SHISA9: variants seen among roughly 807,000 people sequenced by gnomAD.
SHISA9 encodes shisa family member 9.
SHISA9 carries 13 observed loss-of-function variants against 38.0 expected under a neutral mutation model. The observed-to-expected ratio is 0.34, with a 90% CI of 0.22 to 0.54. SHISA9 has a LOEUF of 0.54. Among genes scored for constraint, SHISA9 ranks in the 20% least tolerant of loss-of-function variants. The pLI is 0.91. For missense variants in SHISA9, 538 were observed against 575.8 expected (o/e 0.93, Z 0.67); for synonymous variants, 275 against 242.0 (o/e 1.14, Z -1.27).
the SHISA9 span, among the ~76,000 whole-genome samples, chr16:13,259,042 C>A: frequency 6.6e-6 from 1 of 152,190 alleles, no homozygotes; most frequent in Non-Finnish European, 1.5e-5. Flanking sequence ...TGAGACAAGG[C>A]AAGTCCCTTC....
the SHISA9 span, among the ~76,000 whole-genome samples, chr16:13,416,793 G>A: frequency 1.4e-5 from 2 of 147,472 alleles, no homozygotes; most frequent in East Asian, 2.0e-4. Context: ...GGAAGGAAGG[G>A]AAGGAAGGAA....
At chr16:13,298,851 C>T in the SHISA9 span, among the ~76,000 whole-genome samples, 46 of 152,310 alleles carry the variant, frequency 3.0e-4, no homozygotes, top group African/African-American at 1.1e-3. Context: ...TTATGGCTTT[C>T]AGAGCCACCA....
At chr16:13,082,076 TACA>T (rs948245221) in intron 2 of SHISA9, among the ~76,000 whole-genome samples, 5 of 152,224 alleles carry the variant, frequency 3.3e-5, no homozygotes, top group South Asian at 2.1e-4. Flanking sequence ...CAACAACGAC[TACA>T]ACAACAACAG....
chr16:12,987,522 T>C lies in SHISA9; in HGVS notation c.691+70707T>C, dbSNP rs1415736622. 2.0e-5 allele frequency among the ~76,000 whole-genome samples: 3 copies of C among 152,090 alleles called. No homozygotes were observed. In the East Asian group the frequency reaches 5.8e-4, roughly 29 times the overall value. The stretch of plus-strand genomic sequence containing the variant: ...GAAAACCGAATACCACATGTTCTCA[T>C]TCATGAGTGGAAGCTGAACAATGAG... On this transcript the variant is annotated intron_variant, in intron 2 of 4. Transcript: ENST00000558583.
chr16:13,049,156 A>ATGTGTGTG (rs10526925), intron 2 of SHISA9, among the ~76,000 whole-genome samples: 161 of 63,892 alleles, frequency 2.5e-3, no homozygotes, highest in Admixed American at 0.011. Flanking sequence ...GGTTAGGAGT[A>ATGTGTGTG]TGTGTGTGTG....
At position 13,235,312 on chromosome 16, in the gene SHISA9, A is replaced by C; in HGVS notation, c.1178A>C (p.Glu393Ala). Residue 393 changes from glutamate to alanine, a missense_variant, in exon 5 of 5, where the codon GAG becomes GCG. Physicochemically the swap from Glu to Ala is moderately radical, Grantham distance 107. Transcript: ENST00000558583. Reference protein sequence around the residue: ...YSNKGKLGTAETGSSDPLGTR... With the variant: ...YSNKGKLGTAATGSSDPLGTR... ...AACAAGGGCAAGCTTGGCACGGCCG[A>C]GACAGGCTCCAGCGACCCCTTGGGA... 1 of 1,550,282 alleles carries C rather than the reference A, an allele frequency of 6.5e-7. No individual in the cohort carries two copies. The highest frequency in any genetic ancestry group is 8.7e-7 in the Non-Finnish European group (1 of 1,147,010).
chr16:13,267,154 G>A, the SHISA9 span, among the ~76,000 whole-genome samples: 1 of 152,220 alleles, frequency 6.6e-6, no homozygotes, highest in Admixed American at 6.5e-5. Context: ...CATATTCTAA[G>A]ATGACAAACC....
At chr16:12,911,994 T>C (rs561969149) in intron 1 of SHISA9, among the ~76,000 whole-genome samples, 1 of 152,360 alleles carries the variant, frequency 6.6e-6, no homozygotes, top group African/African-American at 2.4e-5. Context: ...GGGGCACATA[T>C]AATTGCCATA....
chr16:13,257,674 G>T, the SHISA9 span, among the ~76,000 whole-genome samples: 5 of 152,132 alleles, frequency 3.3e-5, no homozygotes, highest in Non-Finnish European at 7.4e-5. Flanking sequence ...GTCTTTGCAG[G>T]TGTTGCCATG....
intron 2 of SHISA9, among the ~76,000 whole-genome samples, chr16:12,974,480 T>G (rs79298330): frequency 0.024 from 948 of 40,200 alleles, 18 homozygotes; most frequent in African/African-American, 0.081. Flanking sequence ...TTTCTGGTGG[T>G]TTTTTTTTTT....
At position 13,080,550 on chromosome 16, in the gene SHISA9, A is replaced by C. The variant is rs558783010; in HGVS notation, c.692-122844A>C. The stretch of plus-strand genomic sequence containing the variant: ...AGACTTGATAATTTCTAGCTTCACC[A>C]AGACCACAGACATTGGAGGAGAGCA... On this transcript the variant is annotated intron_variant, in intron 2 of 4. Coordinates refer to ENST00000558583, the MANE Select transcript of SHISA9 (RefSeq NM_001145204.3). Among the ~76,000 whole-genome samples, 5 of 152,332 alleles carry C rather than the reference A, an allele frequency of 3.3e-5. No individual in the cohort carries two copies. In the South Asian group the frequency reaches 8.3e-4, roughly 25 times the overall value.
chr16:13,378,026 C>G, the SHISA9 span, among the ~76,000 whole-genome samples: 15 of 129,964 alleles, frequency 1.2e-4, no homozygotes, highest in East Asian at 7.6e-4. Flanking sequence ...GAGCAAGACT[C>G]CATCTAAACA....
At chr16:13,059,215 C>A (rs1013116262) in intron 2 of SHISA9, among the ~76,000 whole-genome samples, 1 of 150,064 alleles carries the variant, frequency 6.7e-6, no homozygotes, top group African/African-American at 2.5e-5. Flanking sequence ...GCAAGCTCCC[C>A]CTCCCGGGTT....
chr16:13,320,002 A>G, the SHISA9 span, among the ~76,000 whole-genome samples: 1 of 152,122 alleles, frequency 6.6e-6, no homozygotes. Flanking sequence ...GTTAGAAAGT[A>G]GGCAAAACAG....
chr16:13,294,392 G>A, the SHISA9 span, among the ~76,000 whole-genome samples: 4 of 152,258 alleles, frequency 2.6e-5, no homozygotes, highest in East Asian at 3.9e-4. Flanking sequence ...GCCCTGCTTC[G>A]TGTATCATTC....
intron 2 of SHISA9, among the ~76,000 whole-genome samples, chr16:13,118,811 C>G (rs931658086): frequency 6.7e-6 from 1 of 149,156 alleles, no homozygotes; most frequent in African/African-American, 2.5e-5. Flanking sequence ...CTTACTGCAA[C>G]CTCCACCTCA....
the SHISA9 span, chr16:13,258,281 G>C: frequency 6.6e-6 from 1 of 152,070 alleles, no homozygotes. Context: ...TCTATGTTTG[G>C]GTATGGTCAC....
chr16:13,118,416 A>C (rs2074052137), intron 2 of SHISA9, among the ~76,000 whole-genome samples: 1 of 152,204 alleles, frequency 6.6e-6, no homozygotes, highest in Non-Finnish European at 1.5e-5. Flanking sequence ...ATTTTATTAG[A>C]GAAATCAACA....
intron 2 of SHISA9, among the ~76,000 whole-genome samples, chr16:13,094,498 C>T (rs545227559): frequency 1.5e-4 from 23 of 152,220 alleles, no homozygotes; most frequent in Admixed American, 2.0e-4. Flanking sequence ...ACTTTGACTG[C>T]TCCGGTTGTA....
Sources: allele counts gnomAD v4.1 joint callset (sites outside exome capture counted in the v4.1 genomes callset), GRCh38; gene constraint gnomAD v4.1.1; transcripts MANE v1.5; gene names NCBI Gene and HGNC (gene_info 2026-07-23, HGNC 2026-07-21).